TMX3: variants seen among roughly 807,000 people sequenced by gnomAD.
TMX3 encodes protein disulfide-isomerase TMX3.
A neutral mutation model predicts 64.4 loss-of-function variants in TMX3; 40 were observed. The observed-to-expected ratio is 0.62, with a 90% confidence interval of 0.48 to 0.81. The LOEUF (loss-of-function observed/expected upper bound fraction) is 0.81, where lower values mean the gene tolerates loss of function less well. Ranked by LOEUF, TMX3 falls within the 30% of genes least tolerant of loss-of-function variation. The pLI is 0.00. For missense variants in TMX3, 497 were observed against 534.5 expected, an observed-to-expected ratio of 0.93 and a Z score of 0.69; for synonymous variants, 189 against 175.7, an observed-to-expected ratio of 1.08 and a Z score of -0.60.
intron 13 of TMX3, 50 bp downstream of exon 13, chr18:68,682,875 A>G (rs1369039834): frequency 1.3e-6 from 2 of 1,541,792 alleles, no homozygotes; most frequent in Non-Finnish European, 1.8e-6. Flanking sequence ...TCAGAAACAA[A>G]TTTAAAAATT....
chr18:68,692,637 A>T lies in TMX3; in HGVS notation c.571-1276T>A, dbSNP rs569322453. Among the ~76,000 whole-genome samples the T allele has an allele frequency of 2.6e-5, 4 of 152,172 alleles. No individual in the cohort carries two copies. The South Asian group carries it at 6.2e-4, about 24-fold the overall frequency. ...TTTGAGAATCATCTATGGGAGTAAAACTCCTCATATTATTGTGAAGTAACT... is the reference window on the plus strand; with the variant it reads ...TTTGAGAATCATCTATGGGAGTAAATCTCCTCATATTATTGTGAAGTAACT... On this transcript the variant is annotated intron_variant, in intron 8 of 15. Transcript: ENST00000299608.
chr18:68,701,635 CA>C, intron 5 of TMX3, 109 bp downstream of exon 5: 9 of 1,553,570 alleles, frequency 5.8e-6, no homozygotes, highest in Non-Finnish European at 7.9e-6. Context: ...GAAGAATGGC[CA>C]AACCCCAATC....
intron 8 of TMX3, among the ~76,000 whole-genome samples, chr18:68,694,975 A>T (rs925773480): frequency 6.6e-6 from 1 of 152,064 alleles, no homozygotes. Context: ...ATTCAAAAGA[A>T]AAAAAAAGAA....
At chr18:68,683,022 G>A (rs1384062743) in intron 12 of TMX3, 41 bp from the exon 13 acceptor site, 2 of 1,564,910 alleles carry the variant, frequency 1.3e-6, no homozygotes, top group Admixed American at 1.7e-5. Context: ...AAAAGGAGAG[G>A]GGGTGGGGGG....
intron 8 of TMX3, among the ~76,000 whole-genome samples, chr18:68,693,802 T>C (rs957521878): frequency 1.3e-5 from 2 of 152,100 alleles, no homozygotes; most frequent in African/African-American, 4.8e-5. Context: ...GGGGCCAGGC[T>C]ACTAGTTCTG....
At chr18:68,694,848 C>T (rs1416659031) in intron 8 of TMX3, among the ~76,000 whole-genome samples, 1 of 152,114 alleles carries the variant, frequency 6.6e-6, no homozygotes, top group African/African-American at 2.4e-5. Flanking sequence ...CATTAAACAC[C>T]TACTTCGGCA....
At chr18:68,679,169 T>C (rs1301162202) in intron 15 of TMX3, among the ~76,000 whole-genome samples, 1 of 152,086 alleles carries the variant, frequency 6.6e-6, no homozygotes, top group Admixed American at 6.6e-5. Context: ...TTTCAACAAA[T>C]CATAGAAATT....
rs1468522500 is a variant in TMX3, at chr18:68,697,244, T to C, written c.552A>G (p.Ser184=). ...ATATTACCTCAGGAACCACTTCTTC[T>C]GAGGCAGAAAAGAAGTATGTATATA... ...LIVYTYFFSA[S]EEVVPEYVTL... The change falls in exon 8 of 16, where the codon TCA becomes TCG. Residue 184 remains serine (S), a synonymous_variant. Transcript: ENST00000299608. 6 of 1,578,138 alleles carry C rather than the reference T, an allele frequency of 3.8e-6. No homozygotes were observed. The highest frequency in any genetic ancestry group is 2.4e-5 in the South Asian group (2 of 83,862).
At chr18:68,683,497 T>C (rs1913646365) in intron 12 of TMX3, among the ~76,000 whole-genome samples, 1 of 152,164 alleles carries the variant, frequency 6.6e-6, no homozygotes, top group African/African-American at 2.4e-5. Context: ...CGATGCCATT[T>C]TTTATTCAGT....
In TMX3 at chr18:68,675,788, G is replaced by C. The variant is rs1008026130; in HGVS notation, c.*1145C>G. On this transcript the variant is annotated 3_prime_UTR_variant, in exon 16 of 16. Coordinates refer to ENST00000299608, the MANE Select transcript of TMX3 (RefSeq NM_019022.5). ...TGCTTTGGAAAGAATTCCTGTATTA[G>C]TTTATAGAAGATGAGAGGTCACTTG... The C allele has an allele frequency of 5.3e-5, 8 of 152,160 alleles. No homozygotes were observed. The highest frequency in any genetic ancestry group is 1.4e-4 in the African/African-American group (6 of 41,448). The allele number at this position is 152,160 out of a possible 1,614,324, so 9.4% of individuals were successfully genotyped here. A position where few individuals can be genotyped will look rare whatever the true frequency, so the allele number is the denominator to read the frequency against.
chr18:68,676,720 G>C lies in TMX3; in HGVS notation c.*213C>G. On this transcript the variant is annotated 3_prime_UTR_variant, in exon 16 of 16. Coordinates refer to ENST00000299608, the MANE Select transcript of TMX3 (RefSeq NM_019022.5). ...CACAAAGATCAGGTAAATTTTGATGGAGTGCTCTGTGTTTGTTTCAGACAA... is the reference window on the plus strand; with the variant it reads ...CACAAAGATCAGGTAAATTTTGATGCAGTGCTCTGTGTTTGTTTCAGACAA... 1 of 572,990 alleles carries C rather than the reference G, an allele frequency of 1.7e-6. No homozygotes were observed. The highest frequency in any genetic ancestry group is 3.0e-6 in the Non-Finnish European group (1 of 330,446). 35.5% of individuals were successfully genotyped at this position (572,990 alleles called of 1,614,324 possible).
chr18:68,678,863 A>C (rs1473691244), intron 15 of TMX3, among the ~76,000 whole-genome samples: 4 of 152,034 alleles, frequency 2.6e-5, no homozygotes, highest in Admixed American at 6.6e-5. Context: ...AAAGGATTTG[A>C]TCCATCACAT....
chr18:68,677,908 TGGGACAAG>T (rs1913073609), intron 15 of TMX3, among the ~76,000 whole-genome samples: 1 of 152,128 alleles, frequency 6.6e-6, no homozygotes, highest in Non-Finnish European at 1.5e-5. Context: ...AGGCAGGATA[TGGGACAAG>T]TGAGCACCAG....
intron 3 of TMX3, among the ~76,000 whole-genome samples, chr18:68,710,651 C>A (rs1568206193): frequency 6.6e-6 from 1 of 152,148 alleles, no homozygotes; most frequent in Non-Finnish European, 1.5e-5. Flanking sequence ...GTTGATTAAA[C>A]TGAAGTCAGT....
At chr18:68,686,406 T>C (rs1913958525) in intron 10 of TMX3, among the ~76,000 whole-genome samples, 1 of 152,170 alleles carries the variant, frequency 6.6e-6, no homozygotes, top group Non-Finnish European at 1.5e-5. Context: ...CTTCCTTTCA[T>C]GTGAGTCTGA....
At position 68,679,245 on chromosome 18, in the gene TMX3, A is replaced by C. The variant is rs9960427; in HGVS notation, c.1104+218T>G. Reference sequence around the variant, plus strand: ...TCTTTTAAATTATACTATCAAGTTAATTGATTCTGAATTTTAGTTTTAACT... The same window carrying C: ...TCTTTTAAATTATACTATCAAGTTACTTGATTCTGAATTTTAGTTTTAACT... On this transcript the variant is annotated intron_variant, in intron 15 of 15. Transcript: ENST00000299608. Among the ~76,000 whole-genome samples the C allele has an allele frequency of 9.6e-4, 146 of 152,326 alleles. 1 individual carries two copies. The highest frequency in any genetic ancestry group is 3.3e-3 in the African/African-American group (137 of 41,580).
At chr18:68,700,103 C>T (rs977527659) in intron 6 of TMX3, among the ~76,000 whole-genome samples, 1 of 152,062 alleles carries the variant, frequency 6.6e-6, no homozygotes, top group Non-Finnish European at 1.5e-5. Context: ...TTAAGATTCA[C>T]AGAGTTGCTA....
chr18:68,694,716 T>C (rs1312542013), intron 8 of TMX3, among the ~76,000 whole-genome samples: 1 of 152,116 alleles, frequency 6.6e-6, no homozygotes, highest in Non-Finnish European at 1.5e-5. Context: ...AGTAAATACA[T>C]ACGCATAAAA....
At position 68,687,610 on chromosome 18, in the gene TMX3, T is replaced by G. The variant is rs1056104145; in HGVS notation, c.736+57A>C. 3.9e-6 allele frequency: 6 copies of G among 1,547,810 alleles called. No homozygotes were observed. In the African/African-American group the frequency reaches 8.5e-5, roughly 22 times the overall value. On this transcript the variant is annotated intron_variant, in intron 10 of 15. Coordinates refer to ENST00000299608, the MANE Select transcript of TMX3 (RefSeq NM_019022.5). ...TTCATTTCCTACAAAATAAGATTTT[T>G]AAATAATCAAAGAAAAATCATGTAA...
Sources: gnomAD v4.1 joint callset for allele counts (sites outside exome capture counted in the v4.1 genomes callset) on GRCh38, gnomAD v4.1.1 for gene constraint, MANE v1.5 for transcripts, NCBI Gene and HGNC (gene_info 2026-07-23, HGNC 2026-07-21) for gene names.